CAMTA1: variants seen among roughly 807,000 people sequenced by gnomAD.
The protein encoded by CAMTA1 is calmodulin-binding transcription activator 1.
CAMTA1 carries 27 observed loss-of-function variants against 170.9 expected under a neutral mutation model. The ratio of observed to expected loss-of-function variants is 0.16; its 90% confidence interval spans 0.12 to 0.22. The LOEUF (loss-of-function observed/expected upper bound fraction) is 0.22. Ranked by LOEUF, CAMTA1 falls within the 10% of genes least tolerant of loss-of-function variation. CAMTA1 has a pLI of 1.00. For missense variants in CAMTA1, 1,619 were observed against 2,217.2 expected (o/e 0.73, Z 5.42); for synonymous variants, 833 against 891.5 (o/e 0.93, Z 1.17).
intron 5 of CAMTA1, among the ~76,000 whole-genome samples, chr1:7,322,410 C>A (rs1678569330): frequency 6.6e-6 from 1 of 152,228 alleles, no homozygotes; most frequent in Non-Finnish European, 1.5e-5. Context: ...ATCTCTGTTG[C>A]AGCTACTCTG....
chr1:7,480,243 G>A (rs953374138), intron 6 of CAMTA1, among the ~76,000 whole-genome samples: 8 of 101,646 alleles, frequency 7.9e-5, no homozygotes, highest in South Asian at 3.0e-4. Flanking sequence ...GCATGTGTCC[G>A]TGTGTGTGCA....
At chr1:6,949,878 C>A (rs1688187222) in intron 3 of CAMTA1, among the ~76,000 whole-genome samples, 1 of 152,250 alleles carries the variant, frequency 6.6e-6, no homozygotes. Context: ...CTCATCTGGT[C>A]CTCACTGCCA....
chr1:7,492,978 CACAA>C lies in CAMTA1; in HGVS notation c.510+25081_510+25084del, dbSNP rs551169999. Among the ~76,000 whole-genome samples, 359 of 149,728 alleles carry C rather than the reference CACAA, an allele frequency of 2.4e-3. 2 individuals are homozygous for C. Among genetic ancestry groups the C allele is most frequent in the African/African-American group, 8.4e-3 (341 of 40,538 alleles). The stretch of plus-strand genomic sequence containing the variant: ...AGACTTACATACACATGCGCTCAAA[CACAA>C]ACATACAAACGCGCACACAAACACA... On this transcript the variant is annotated intron_variant, in intron 6 of 22. Coordinates refer to ENST00000303635, the MANE Select transcript of CAMTA1 (RefSeq NM_015215.4).
chr1:7,192,914 A>G (rs924857819), intron 4 of CAMTA1, among the ~76,000 whole-genome samples: 5 of 152,190 alleles, frequency 3.3e-5, no homozygotes, highest in African/African-American at 9.6e-5. Context: ...CATGCTGTGA[A>G]GGTCTCTGCA....
In CAMTA1 at chr1:6,847,707, CT is replaced by C. The variant is rs550554663; in HGVS notation, c.234+22511del. Among the ~76,000 whole-genome samples the C allele has an allele frequency of 5.5e-3, 765 of 137,870 alleles. 4 individuals are homozygous for C. Among genetic ancestry groups the C allele is most frequent in the Middle Eastern group, 0.015 (4 of 262 alleles). The allele number at this position is 137,870 out of a possible 152,430, so 90.4% of individuals were successfully genotyped here. A position where few individuals can be genotyped will look rare whatever the true frequency, so the allele number is the denominator to read the frequency against. ...GGCATGCACTGCCACCCCCAGCTAACTTTTTTTTTTTTTTGAGATGGAGTCC... is the reference window on the plus strand; with the variant it reads ...GGCATGCACTGCCACCCCCAGCTAACTTTTTTTTTTTTTGAGATGGAGTCC... On this transcript the variant is annotated intron_variant, in intron 3 of 22. Transcript: ENST00000303635.
chr1:7,474,822 G>T lies in CAMTA1; in HGVS notation c.510+6921G>T, dbSNP rs530521530. Among the ~76,000 whole-genome samples, 5 of 152,348 alleles carry T rather than the reference G, an allele frequency of 3.3e-5. No individual in the cohort carries two copies. The East Asian group carries it at 9.7e-4, about 29-fold the overall frequency. On this transcript the variant is annotated intron_variant, in intron 6 of 22. Coordinates refer to ENST00000303635, the MANE Select transcript of CAMTA1 (RefSeq NM_015215.4). ...TTGATGTCTATTTGGAGAATGAGCA[G>T]CTCTTTGGCAACCCAAGTGTCTCCC... is the stretch of plus-strand genomic sequence containing the variant.
At chr1:7,322,600 CT>C (rs1678600448) in intron 5 of CAMTA1, among the ~76,000 whole-genome samples, 1 of 152,254 alleles carries the variant, frequency 6.6e-6, no homozygotes, top group Non-Finnish European at 1.5e-5. Context: ...GCTCAAGCCA[CT>C]TTCTGTTTCT....
intron 22 of CAMTA1, among the ~76,000 whole-genome samples, chr1:7,758,602 G>A (rs944982629): frequency 6.6e-6 from 1 of 152,214 alleles, no homozygotes; most frequent in Non-Finnish European, 1.5e-5. Context: ...AGCATTCTCT[G>A]AGGAAGATTT....
chr1:7,232,287 C>T (rs555107888), intron 4 of CAMTA1, among the ~76,000 whole-genome samples: 1 of 1,768 alleles, frequency 5.7e-4, no homozygotes, highest in Admixed American at 8.4e-4. Flanking sequence ...GTGCTGCACA[C>T]GGCTGCCCCG....
chr1:7,721,331 T>G (rs1349063325), intron 11 of CAMTA1, among the ~76,000 whole-genome samples: 1 of 152,238 alleles, frequency 6.6e-6, no homozygotes, highest in Non-Finnish European at 1.5e-5. Flanking sequence ...ACAAATTTTC[T>G]TAGCATCAGC....
intron 4 of CAMTA1, among the ~76,000 whole-genome samples, chr1:7,206,799 G>T (rs993999198): frequency 5.9e-5 from 9 of 152,076 alleles, no homozygotes; most frequent in African/African-American, 2.2e-4. Context: ...CTTAAATTTT[G>T]TCAGTCTGAG....
intron 4 of CAMTA1, among the ~76,000 whole-genome samples, chr1:7,110,362 G>A (rs1213598304): frequency 1.3e-5 from 2 of 151,906 alleles, no homozygotes; most frequent in East Asian, 3.9e-4. Context: ...ATGATTTTTA[G>A]CCACTGTGCT....
chr1:6,873,761 G>A (rs1055872322), intron 3 of CAMTA1, among the ~76,000 whole-genome samples: 1 of 152,124 alleles, frequency 6.6e-6, no homozygotes, highest in Admixed American at 6.5e-5. Context: ...CACATTTATG[G>A]CTTATTTCCA....
intron 5 of CAMTA1, among the ~76,000 whole-genome samples, chr1:7,378,593 G>A (rs991452100): frequency 1.3e-5 from 2 of 152,132 alleles, no homozygotes; most frequent in African/African-American, 4.8e-5. Context: ...CCTGGGGCCG[G>A]GGGCAGGGAG....
At position 7,437,235 on chromosome 1, in the gene CAMTA1, G is replaced by T. The variant is rs1056748971; in HGVS notation, c.439-30595G>T. 9.8e-5 allele frequency among the ~76,000 whole-genome samples: 15 copies of T among 152,312 alleles called. 1 individual carries two copies. The highest frequency in any genetic ancestry group is 2.6e-4 in the African/African-American group (11 of 41,570). ...CTTTAGCCTCCAGGCCTGGAAAGCGGATCATCCTCCTAAGGGGACAGATGA... is the reference window on the plus strand; with the variant it reads ...CTTTAGCCTCCAGGCCTGGAAAGCGTATCATCCTCCTAAGGGGACAGATGA... On this transcript the variant is annotated intron_variant, in intron 5 of 22. Coordinates refer to ENST00000303635, the MANE Select transcript of CAMTA1 (RefSeq NM_015215.4).
chr1:6,887,464 G>A lies in CAMTA1; in HGVS notation c.234+62254G>A, dbSNP rs1397405831. The stretch of plus-strand genomic sequence containing the variant: ...ATATGGTTGTATGTACATGTGTATA[G>A]TATGTGGGTGGGGGTAGATACATAC... On this transcript the variant is annotated intron_variant, in intron 3 of 22. Transcript: ENST00000303635. This position sits in a 1 kb window ranked among gnomAD's most constrained non-coding sequence, Gnocchi z 4.1. 6.6e-6 allele frequency among the ~76,000 whole-genome samples: 1 copy of A among 152,168 alleles called. No individual in the cohort carries two copies. Among genetic ancestry groups the A allele is most frequent in the African/African-American group, 2.4e-5 (1 of 41,442 alleles).
chr1:7,097,546 T>C (rs1172803596), intron 4 of CAMTA1, among the ~76,000 whole-genome samples: 1 of 152,248 alleles, frequency 6.6e-6, no homozygotes, highest in Non-Finnish European at 1.5e-5. Flanking sequence ...AGTGACCTGT[T>C]GGTCACCTTT....
chr1:7,488,808 C>G (rs1306064648), intron 6 of CAMTA1, among the ~76,000 whole-genome samples: 3 of 152,076 alleles, frequency 2.0e-5, no homozygotes, highest in African/African-American at 7.3e-5. Context: ...ACATGTAATA[C>G]AAATATGTAC....
intron 4 of CAMTA1, among the ~76,000 whole-genome samples, chr1:7,148,696 C>A (rs1374739273): frequency 2.0e-5 from 3 of 152,232 alleles, no homozygotes; most frequent in African/African-American, 4.8e-5. Flanking sequence ...TAGCTCCTCC[C>A]TCCCCCATCA....
Sources: gnomAD v4.1 joint callset for allele counts (sites outside exome capture counted in the v4.1 genomes callset) on GRCh38, gnomAD v4.1.1 for gene constraint, Gnocchi (gnomAD v3.1) non-coding constraint, MANE v1.5 for transcripts, NCBI Gene and HGNC (gene_info 2026-07-23, HGNC 2026-07-21) for gene names.